The following HTD2 variants were observed in gnomAD, a reference collection of about 807,000 sequenced individuals.
HTD2 encodes the protein hydroxyacyl-thioester dehydratase type 2.
A neutral mutation model predicts 3.1 loss-of-function variants in HTD2; 1 was observed. That is an observed-to-expected ratio of 0.32 (90% CI 0.11 to 1.52). The LOEUF is 1.52. Among genes scored for constraint, HTD2 ranks in the 40% most tolerant of loss-of-function variants. HTD2 has a pLI of 0.39. For missense variants in HTD2, 150 were observed against 79.6 expected, an observed-to-expected ratio of 1.88 and a Z score of -3.36; for synonymous variants, 50 against 28.9, an observed-to-expected ratio of 1.73 and a Z score of -2.34.
Position 58,316,549 on chromosome 3 carries a change from A to C in HTD2, c.-296A>C. 1 of 1,614,186 alleles carries C rather than the reference A, an allele frequency of 6.2e-7. No homozygotes were observed. The highest frequency in any genetic ancestry group is 8.5e-7 in the Non-Finnish European group (1 of 1,179,996). ...GCCTTACCTTTGGACATCCTAACCT[A>C]TGAAGAGAAGACCTTGTCAGCCATC... On this transcript the variant is annotated 5_prime_UTR_variant, in exon 3 of 5. It removes an upstream start codon present in the reference 5' UTR. Coordinates refer to ENST00000461393, the MANE Select transcript of HTD2 (RefSeq NM_001348712.2).
rs144307659 is a variant in HTD2, at chr3:58,316,991, C to G, written c.-177C>G. The G allele has an allele frequency of 1.1e-4, 174 of 1,610,192 alleles. No individual in the cohort carries two copies. The African/African-American group carries it at 1.6e-3, about 15-fold the overall frequency. On this transcript the variant is annotated splice_region_variant and 5_prime_UTR_variant, in exon 4 of 5. The change creates a premature stop within an existing upstream ORF in the 5' untranslated region. Coordinates refer to ENST00000461393, the MANE Select transcript of HTD2 (RefSeq NM_001348712.2). ...CAAAAAATGTGCTTTCCGGGTGATTCAGGTAAAGACTATTCCCTCACATAT... is the reference window on the plus strand; with the variant it reads ...CAAAAAATGTGCTTTCCGGGTGATTGAGGTAAAGACTATTCCCTCACATAT...
At chr3:58,315,583 G>C (rs915996753) in intron 2 of HTD2, 1 of 152,202 alleles carries the variant, frequency 6.6e-6, no homozygotes, top group Non-Finnish European at 1.5e-5. Context: ...TACCAGTTTT[G>C]TAGTTTTGCT....
chr3:58,311,616 A>G (rs561427262), intron 2 of HTD2, among the ~76,000 whole-genome samples: 1 of 151,506 alleles, frequency 6.6e-6, no homozygotes, highest in African/African-American at 2.4e-5. Flanking sequence ...CCATTGTAAT[A>G]TATACCACTT....
chr3:58,310,629 C>A lies in HTD2; in HGVS notation c.-331+38C>A, dbSNP rs778610925. 7.7e-6 allele frequency: 12 copies of A among 1,550,694 alleles called. No individual in the cohort carries two copies. In the South Asian group the frequency reaches 1.4e-4, roughly 18 times the overall value. On this transcript the variant is annotated intron_variant, in intron 2 of 4. Coordinates refer to ENST00000461393, the MANE Select transcript of HTD2 (RefSeq NM_001348712.2). ...TTGGTAGATTGAACATTCCAAAGATCTTTGTAAGAAATACAGAAAGAGGCC... is the reference window on the plus strand; with the variant it reads ...TTGGTAGATTGAACATTCCAAAGATATTTGTAAGAAATACAGAAAGAGGCC...
At chr3:58,313,200 A>C (rs959537147) in intron 2 of HTD2, among the ~76,000 whole-genome samples, 3 of 152,022 alleles carry the variant, frequency 2.0e-5, no homozygotes, top group Non-Finnish European at 4.4e-5. Flanking sequence ...TGGAGCTTGC[A>C]GTGAGCCGAG....
intron 2 of HTD2, among the ~76,000 whole-genome samples, chr3:58,315,207 A>G (rs968826213): frequency 6.6e-6 from 1 of 152,206 alleles, no homozygotes; most frequent in African/African-American, 2.4e-5. Context: ...TATACTCGAC[A>G]GTGAAAAGGA....
intron 2 of HTD2, among the ~76,000 whole-genome samples, chr3:58,313,508 T>A (rs1218906146): frequency 6.6e-6 from 1 of 152,152 alleles, no homozygotes; most frequent in African/African-American, 2.4e-5. Context: ...TTTAAAACTT[T>A]TACTCTGCAA....
Position 58,318,063 on chromosome 3 carries a change from A to C in HTD2, c.450A>C (p.Lys150Asn). ...TGTCATGTTCTGTAATAGAAAGTAA[A>C]AAGACTGTTATGGAAGGCTGGGTTA... ...IAVSCSVIES[K>N]KTVMEGWVKV... The change falls in exon 5 of 5, where the codon AAA (lysine) becomes AAC (asparagine). Residue 150 changes from lysine to asparagine, a missense_variant. Physicochemically the swap from Lys to Asn is moderately conservative, Grantham distance 94 (BLOSUM62 0). Coordinates refer to ENST00000461393, the MANE Select transcript of HTD2 (RefSeq NM_001348712.2). 1 of 688,628 alleles carries C rather than the reference A, an allele frequency of 1.5e-6. No individual in the cohort carries two copies. Among genetic ancestry groups the C allele is most frequent in the South Asian group, 1.6e-5 (1 of 64,494 alleles). The allele number at this position is 688,628 out of a possible 1,614,324, so 42.7% of individuals were successfully genotyped here.
chr3:58,310,620 T>A, intron 2 of HTD2, 29 bp downstream of exon 2: 2 of 1,565,926 alleles, frequency 1.3e-6, no homozygotes, highest in Non-Finnish European at 1.7e-6. Context: ...GATTGAACAT[T>A]CCAAAGATCT....
chr3:58,317,534 T>C lies in HTD2; in HGVS notation c.-80T>C, dbSNP rs778709664. ...CCATTTTGGAAACGTTCATCCACTC[T>C]CATATTTATTTTTTGGTGCCTGCAT... On this transcript the variant is annotated 5_prime_UTR_variant, in exon 5 of 5. Transcript: ENST00000461393. The C allele has an allele frequency of 7.2e-7, 1 of 1,389,920 alleles. No individual in the cohort carries two copies. Among genetic ancestry groups the C allele is most frequent in the Non-Finnish European group, 1.0e-6 (1 of 985,074 alleles). 86.1% of individuals were successfully genotyped at this position (1,389,920 alleles called of 1,614,324 possible).
intron 2 of HTD2, among the ~76,000 whole-genome samples, chr3:58,310,919 ACT>A (rs1484436974): frequency 1.7e-5 from 2 of 120,816 alleles, no homozygotes; most frequent in Admixed American, 8.5e-5. Context: ...ACAGAGCGAG[ACT>A]CTGTCACAAA....
intron 2 of HTD2, 27 bp downstream of exon 2, chr3:58,310,618 A>T (rs752075406): frequency 7.7e-6 from 12 of 1,568,074 alleles, no homozygotes; most frequent in Non-Finnish European, 1.0e-5. Context: ...TAGATTGAAC[A>T]TTCCAAAGAT....
chr3:58,316,050 CCCTGTGTGTA>C (rs1390384742), intron 2 of HTD2, among the ~76,000 whole-genome samples: 4 of 152,262 alleles, frequency 2.6e-5, no homozygotes, highest in African/African-American at 7.2e-5. Flanking sequence ...AAAAAAATAT[CCCTGTGTGTA>C]CCTGTGTGTC....
At chr3:58,314,207 C>T (rs753138263) in intron 2 of HTD2, among the ~76,000 whole-genome samples, 18 of 151,782 alleles carry the variant, frequency 1.2e-4, no homozygotes, top group African/African-American at 2.9e-4. Context: ...AAAAACTAGC[C>T]GGGCGTGGTG....
chr3:58,310,380 C>T (rs761751734), intron 1 of HTD2, 127 bp from the exon 2 acceptor site: 7 of 1,614,138 alleles, frequency 4.3e-6, no homozygotes, highest in South Asian at 2.2e-5. Context: ...AAAACCCTTC[C>T]GAGTACCACT....
intron 1 of HTD2, chr3:58,310,219 C>A (rs2097480624): frequency 8.2e-6 from 8 of 977,962 alleles, no homozygotes; most frequent in South Asian, 1.4e-5. Context: ...AACAAACAAA[C>A]AAAAAAAACC....
At chr3:58,309,785 G>A (rs536539410) in intron 1 of HTD2, among the ~76,000 whole-genome samples, 2 of 152,102 alleles carry the variant, frequency 1.3e-5, no homozygotes, top group South Asian at 4.1e-4. Flanking sequence ...CCAGCTACTC[G>A]GGAGGCTGAG....
At chr3:58,311,492 T>C (rs1015011411) in intron 2 of HTD2, among the ~76,000 whole-genome samples, 1 of 152,196 alleles carries the variant, frequency 6.6e-6, no homozygotes, top group African/African-American at 2.4e-5. Context: ...AGTGAGAACA[T>C]GCAACAGTTG....
chr3:58,315,835 C>G (rs1014776347), intron 2 of HTD2: 1 of 152,282 alleles, frequency 6.6e-6, no homozygotes, highest in Non-Finnish European at 1.5e-5. Context: ...TGCCACCACA[C>G]CCGGCTAATT....
Sources: gnomAD v4.1 joint callset for allele counts (sites outside exome capture counted in the v4.1 genomes callset) on GRCh38, gnomAD v4.1.1 for gene constraint, MANE v1.5 for transcripts, NCBI Gene and HGNC (gene_info 2026-07-23, HGNC 2026-07-21) for gene names.